Variants in TENM3 observed in about 807,000 individuals in gnomAD.
TENM3 encodes the protein teneurin-3.
TENM3 carries 63 observed loss-of-function variants against 255.1 expected under a neutral mutation model. That is an observed-to-expected ratio of 0.25 (90% confidence interval 0.20 to 0.30). The LOEUF (loss-of-function observed/expected upper bound fraction) is 0.30. Ranked by LOEUF, TENM3 falls within the 10% of genes least tolerant of loss-of-function variation. TENM3 has a pLI of 1.00. For missense variants in TENM3, 2,929 were observed against 3,461.1 expected, an observed-to-expected ratio of 0.85 and a Z score of 3.86; for synonymous variants, 1,306 against 1,322.3, an observed-to-expected ratio of 0.99 and a Z score of 0.27.
chr4:181,648,530 T>C, the TENM3 span, among the ~76,000 whole-genome samples: 2 of 152,312 alleles, frequency 1.3e-5, 1 homozygote, highest in East Asian at 3.9e-4. Context: ...TGGCAGTTTC[T>C]CGAGTGAGCA....
At chr4:182,540,364 C>T (rs540716611) in intron 3 of TENM3, among the ~76,000 whole-genome samples, 22 of 152,036 alleles carry the variant, frequency 1.4e-4, no homozygotes, top group East Asian at 5.8e-4. Flanking sequence ...CCGAGGCGGG[C>T]GGATCACCTG....
chr4:182,418,539 T>C (rs1436064301), intron 3 of TENM3, among the ~76,000 whole-genome samples: 1 of 151,990 alleles, frequency 6.6e-6, no homozygotes, highest in Non-Finnish European at 1.5e-5. Flanking sequence ...TGAGAAAGGA[T>C]GGAAATTAGA....
chr4:182,102,812 A>G, the TENM3 span, among the ~76,000 whole-genome samples: 1 of 152,174 alleles, frequency 6.6e-6, no homozygotes, highest in Non-Finnish European at 1.5e-5. Flanking sequence ...GATCAGGATT[A>G]TGCTTATCTC....
At chr4:182,696,686 C>G (rs898678319) in intron 12 of TENM3, among the ~76,000 whole-genome samples, 1 of 151,826 alleles carries the variant, frequency 6.6e-6, no homozygotes, top group Admixed American at 6.6e-5. Context: ...GATTGTGCCA[C>G]TGCACTCCAG....
chr4:182,569,819 A>G (rs1435467423), intron 3 of TENM3, among the ~76,000 whole-genome samples: 1 of 152,176 alleles, frequency 6.6e-6, no homozygotes, highest in Non-Finnish European at 1.5e-5. Context: ...GATAACTGCT[A>G]GTTAGGAAGC....
chr4:181,934,475 A>G, the TENM3 span, among the ~76,000 whole-genome samples: 1 of 152,152 alleles, frequency 6.6e-6, no homozygotes, highest in African/African-American at 2.4e-5. Context: ...GACACTTAAG[A>G]TTTAATCGGT....
the TENM3 span, among the ~76,000 whole-genome samples, chr4:181,670,554 T>C: frequency 1.3e-5 from 2 of 152,326 alleles, no homozygotes; most frequent in East Asian, 3.9e-4. Context: ...CTTTTGAAAA[T>C]ACTAGCAATA....
In TENM3 at chr4:182,620,712, G is replaced by A. The variant is rs1474097949; in HGVS notation, c.750-7939G>A. On this transcript the variant is annotated intron_variant, in intron 4 of 27. Transcript: ENST00000511685. ...AAGTGATCTGAAAATATCAAAGACT[G>A]GTGATTTTATTTTTTGATTGATTGA... Among the ~76,000 whole-genome samples, 4 of 152,192 alleles carry A rather than the reference G, an allele frequency of 2.6e-5. No homozygotes were observed. In the East Asian group the frequency reaches 5.8e-4, roughly 22 times the overall value.
At chr4:181,771,177 C>T in the TENM3 span, among the ~76,000 whole-genome samples, 1 of 151,998 alleles carries the variant, frequency 6.6e-6, no homozygotes, top group Non-Finnish European at 1.5e-5. Flanking sequence ...TAATGTGTGC[C>T]TTTAAATATG....
the TENM3 span, among the ~76,000 whole-genome samples, chr4:182,086,474 T>A: frequency 6.6e-6 from 1 of 152,238 alleles, no homozygotes; most frequent in Non-Finnish European, 1.5e-5. Context: ...GCAGACACTT[T>A]AATATTAGAT....
the TENM3 span, chr4:181,829,784 G>A: frequency 6.6e-6 from 1 of 152,270 alleles, no homozygotes. Flanking sequence ...GATGGGAGTG[G>A]GAGATGACTA....
At chr4:181,869,167 A>G in the TENM3 span, among the ~76,000 whole-genome samples, 1 of 152,234 alleles carries the variant, frequency 6.6e-6, no homozygotes, top group East Asian at 1.9e-4. Flanking sequence ...TAATCTGCAA[A>G]TCACAGTGTG....
chr4:182,495,732 A>G (rs918313398), intron 3 of TENM3, among the ~76,000 whole-genome samples: 4 of 152,204 alleles, frequency 2.6e-5, no homozygotes, highest in Non-Finnish European at 5.9e-5. Flanking sequence ...TCATTTGCTG[A>G]AATGCTTCAA....
the TENM3 span, among the ~76,000 whole-genome samples, chr4:181,651,942 T>C: frequency 1.3e-5 from 2 of 152,196 alleles, no homozygotes; most frequent in Non-Finnish European, 2.9e-5. Context: ...ACACCAAATA[T>C]TTTTGTAGTT....
At chr4:182,633,992 C>T (rs1241552832) in intron 5 of TENM3, among the ~76,000 whole-genome samples, 2 of 152,074 alleles carry the variant, frequency 1.3e-5, no homozygotes, top group Non-Finnish European at 1.5e-5. Flanking sequence ...CTAAGATGCA[C>T]GTCCTGATTT....
chr4:182,603,366 A>C (rs900912114), intron 4 of TENM3, among the ~76,000 whole-genome samples: 1 of 152,206 alleles, frequency 6.6e-6, no homozygotes, highest in African/African-American at 2.4e-5. Flanking sequence ...ATACAGAATA[A>C]TTAATCTAAA....
chr4:181,670,737 G>A, the TENM3 span, among the ~76,000 whole-genome samples: 1 of 152,164 alleles, frequency 6.6e-6, no homozygotes, highest in South Asian at 2.1e-4. Context: ...TAGAAGTACT[G>A]TGTCTGTCGC....
chr4:182,749,691 G>C (rs1192950857), intron 19 of TENM3, among the ~76,000 whole-genome samples: 1 of 152,188 alleles, frequency 6.6e-6, no homozygotes. Flanking sequence ...TTTAGTGTTA[G>C]TAATGAAGTT....
chr4:182,260,570 A>G (rs1007955037), intron 1 of TENM3, among the ~76,000 whole-genome samples: 3 of 152,208 alleles, frequency 2.0e-5, no homozygotes, highest in African/African-American at 7.2e-5. Flanking sequence ...CTGTAATAAC[A>G]GTTTTTTTAT....
Sources: gnomAD v4.1 joint callset for allele counts (sites outside exome capture counted in the v4.1 genomes callset) on GRCh38, gnomAD v4.1.1 for gene constraint, MANE v1.5 for transcripts, NCBI Gene and HGNC (gene_info 2026-07-23, HGNC 2026-07-21) for gene names.